TRIM33: variants seen among roughly 807,000 people sequenced by gnomAD.
The protein encoded by TRIM33 is tripartite motif containing 33.
A neutral mutation model predicts 125.4 loss-of-function variants in TRIM33; 20 were observed. The ratio of observed to expected loss-of-function variants is 0.16; its 90% CI spans 0.11 to 0.23. The LOEUF is 0.23. Among genes scored for constraint, TRIM33 ranks in the 10% least tolerant of loss-of-function variants. TRIM33 has a pLI of 1.00. For missense variants in TRIM33, 920 were observed against 1,411.4 expected (o/e 0.65, Z 5.58); for synonymous variants, 564 against 513.9 (o/e 1.10, Z -1.32).
intron 1 of TRIM33, among the ~76,000 whole-genome samples, chr1:114,465,824 G>A (rs1407504549): frequency 6.6e-6 from 1 of 151,972 alleles, no homozygotes; most frequent in South Asian, 2.1e-4. Context: ...GGCGGATCAC[G>A]AGGTCAGGAG....
intron 4 of TRIM33, among the ~76,000 whole-genome samples, chr1:114,460,608 T>C (rs950986701): frequency 2.3e-4 from 26 of 112,326 alleles, no homozygotes; most frequent in African/African-American, 8.6e-4. Context: ...TTGGTAAACC[T>C]CTCCTACGGT....
chr1:114,409,555 T>C (rs1426354664), intron 12 of TRIM33, among the ~76,000 whole-genome samples: 1 of 152,188 alleles, frequency 6.6e-6, no homozygotes, highest in East Asian at 1.9e-4. Flanking sequence ...ATTAAACCCA[T>C]GAAAGACTGT....
At chr1:114,451,314 C>A (rs1459112385) in intron 4 of TRIM33, among the ~76,000 whole-genome samples, 1 of 148,466 alleles carries the variant, frequency 6.7e-6, no homozygotes, top group Non-Finnish European at 1.5e-5. Flanking sequence ...GGCCTTAGAT[C>A]ATTCAATCCC....
intron 11 of TRIM33, among the ~76,000 whole-genome samples, chr1:114,411,413 T>C (rs1652581353): frequency 1.3e-5 from 2 of 152,148 alleles, no homozygotes; most frequent in Non-Finnish European, 2.9e-5. Flanking sequence ...ACAATAGCAG[T>C]TGTGTTACCC....
intron 1 of TRIM33, among the ~76,000 whole-genome samples, chr1:114,500,092 G>A (rs771967338): frequency 3.3e-5 from 5 of 152,118 alleles, no homozygotes; most frequent in Non-Finnish European, 1.5e-5. Flanking sequence ...GCTTGAACCT[G>A]GGAGTCGGAC....
Position 114,393,268 on chromosome 1 carries a change from T to C in TRIM33, c.*4380A>G, listed in dbSNP as rs1651374485. The C allele has an allele frequency of 4.9e-6, 1 of 204,884 alleles. No individual in the cohort carries two copies. Among genetic ancestry groups the C allele is most frequent in the Non-Finnish European group, 1.0e-5 (1 of 99,766 alleles). 12.7% of individuals were successfully genotyped at this position (204,884 alleles called of 1,614,324 possible). A position where few individuals can be genotyped will look rare whatever the true frequency, so the allele number is the denominator to read the frequency against. ...ATTGCACAAATCTTTTTTTATAGGC[T>C]TATGTATATGTTTCACTGTGTTTTA... On this transcript the variant is annotated 3_prime_UTR_variant, in exon 20 of 20. Coordinates refer to ENST00000358465, the MANE Select transcript of TRIM33 (RefSeq NM_015906.4).
At chr1:114,439,125 C>T (rs1284144883) in intron 4 of TRIM33, among the ~76,000 whole-genome samples, 1 of 152,178 alleles carries the variant, frequency 6.6e-6, no homozygotes, top group Non-Finnish European at 1.5e-5. Context: ...TTCATTAGAA[C>T]AGGATGTCAC....
intron 4 of TRIM33, among the ~76,000 whole-genome samples, chr1:114,435,998 G>C (rs1040591917): frequency 1.4e-5 from 2 of 147,750 alleles, no homozygotes; most frequent in Admixed American, 1.4e-4. Context: ...CAAAATGCTA[G>C]GATTACAGAC....
In TRIM33 at chr1:114,416,246, T is replaced by C. The variant is rs1238803663; in HGVS notation, c.2061+5190A>G. 3.3e-5 allele frequency among the ~76,000 whole-genome samples: 5 copies of C among 152,144 alleles called. No individual in the cohort carries two copies. The East Asian group carries it at 7.7e-4, about 23-fold the overall frequency. ...GCTGTTCTACTGATTATCAGGAAAA[T>C]ATTACATTTTACCAACAAACAGAAA... On this transcript the variant is annotated intron_variant, in intron 11 of 19. Transcript: ENST00000358465.
chr1:114,420,717 T>C (rs184276810), intron 11 of TRIM33, among the ~76,000 whole-genome samples: 101 of 152,350 alleles, frequency 6.6e-4, no homozygotes, highest in Middle Eastern at 6.8e-3. Context: ...ATCTATGTTA[T>C]AGAAAGACTG....
rs565467100 is a variant in TRIM33 at position 114,407,124 on chromosome 1, A to T, written c.2259-24T>A. 479 of 1,598,510 alleles carry T rather than the reference A, an allele frequency of 3.0e-4. 6 individuals carry two copies. In the South Asian group the frequency reaches 4.7e-3, roughly 16 times the overall value. On this transcript the variant is annotated intron_variant, in intron 13 of 19. Transcript: ENST00000358465. ...AGCTAATAAGAAACAACAAATAAAG[A>T]TCACATACGTTTGACTATATGGTAT...
At chr1:114,452,721 A>G (rs986173738) in intron 4 of TRIM33, among the ~76,000 whole-genome samples, 20 of 120,734 alleles carry the variant, frequency 1.7e-4, no homozygotes, top group Non-Finnish European at 2.7e-4. Context: ...GCAAGACCCC[A>G]TCTCTTAAAA....
intron 1 of TRIM33, among the ~76,000 whole-genome samples, chr1:114,506,807 C>A (rs1299546589): frequency 6.6e-6 from 1 of 152,184 alleles, no homozygotes; most frequent in Non-Finnish European, 1.5e-5. Context: ...AATACTCCAA[C>A]GGTAAACAGA....
intron 1 of TRIM33, among the ~76,000 whole-genome samples, chr1:114,501,942 T>A (rs1039154093): frequency 2.6e-5 from 4 of 152,338 alleles, no homozygotes; most frequent in Admixed American, 1.3e-4. Flanking sequence ...CCTTGTTCTT[T>A]TTCCCACTTC....
chr1:114,462,158 C>T (rs1650041090), intron 4 of TRIM33, among the ~76,000 whole-genome samples: 1 of 152,106 alleles, frequency 6.6e-6, no homozygotes, highest in South Asian at 2.1e-4. Context: ...AATACTAGTA[C>T]CTAAACCTCA....
At chr1:114,461,475 G>A (rs904595749) in intron 4 of TRIM33, among the ~76,000 whole-genome samples, 8 of 151,422 alleles carry the variant, frequency 5.3e-5, no homozygotes, top group African/African-American at 1.7e-4. Flanking sequence ...AAGCTGGCGA[G>A]AATCAGTCAA....
intron 11 of TRIM33, among the ~76,000 whole-genome samples, chr1:114,413,558 C>CAAAAA (rs34268626): frequency 4.9e-4 from 20 of 40,780 alleles, no homozygotes; most frequent in South Asian, 3.0e-3. Flanking sequence ...AACTCCATCT[C>CAAAAA]AAAAAAAAAA....
intron 5 of TRIM33, among the ~76,000 whole-genome samples, chr1:114,432,708 C>T (rs1648040128): frequency 6.6e-6 from 1 of 152,140 alleles, no homozygotes; most frequent in Non-Finnish European, 1.5e-5. Context: ...ATGGCGTGAA[C>T]CCAGAAGGTG....
intron 1 of TRIM33, among the ~76,000 whole-genome samples, chr1:114,487,625 C>T (rs938310424): frequency 1.3e-5 from 2 of 151,774 alleles, no homozygotes; most frequent in South Asian, 2.1e-4. Context: ...AGGCCGGGCG[C>T]GGTGGCTCAC....
Sources: gnomAD v4.1 joint callset for allele counts (sites outside exome capture counted in the v4.1 genomes callset) on GRCh38, gnomAD v4.1.1 for gene constraint, MANE v1.5 for transcripts, NCBI Gene and HGNC (gene_info 2026-07-23, HGNC 2026-07-21) for gene names.